OPHN1: variants seen among roughly 807,000 people sequenced by gnomAD.
OPHN1 encodes oligophrenin-1.
Under a neutral mutation model 60.7 loss-of-function variants are expected in OPHN1, and 11 were observed. The observed-to-expected ratio is 0.18, with a 90% CI of 0.11 to 0.30. The LOEUF is 0.30. Among genes scored for constraint, OPHN1 ranks in the 10% least tolerant of loss-of-function variants. The probability of loss-of-function intolerance (pLI) is 1.00; values close to 1 mark genes in which losing one functional copy is unlikely to be tolerated. For missense variants in OPHN1, 449 were observed against 611.0 expected, an observed-to-expected ratio of 0.73 and a Z score of 2.80; for synonymous variants, 226 against 222.6, an observed-to-expected ratio of 1.02 and a Z score of -0.14.
chrX:68,220,269 T>C (rs2077646755), intron 6 of OPHN1, among the ~76,000 whole-genome samples: 2 of 106,831 alleles, frequency 1.9e-5, no homozygotes, highest in Non-Finnish European at 3.9e-5. Context: ...TAACAGGAGC[T>C]GAAATTGTGG....
At position 68,053,509 on chromosome X, in the gene OPHN1, A is replaced by G. The variant is rs2076860105; in HGVS notation, c.2324+136T>C. 4 of 638,812 alleles carry G rather than the reference A, an allele frequency of 6.3e-6. No homozygotes were observed. The Admixed American group carries it at 1.1e-4, about 17-fold the overall frequency. The allele number at this position is 638,812 out of a possible 1,213,427, so 52.6% of individuals were successfully genotyped here. A position where few individuals can be genotyped will look rare whatever the true frequency, so the allele number is the denominator to read the frequency against. On this transcript the variant is annotated intron_variant, in intron 22 of 24. Transcript: ENST00000355520. ...GGAATACTCCCAACAGGGCTGGCCT[A>G]TGATATTTCCCTAGACTATAAAGTG...
chrX:68,048,677 A>G (rs2147343975), intron 23 of OPHN1, among the ~76,000 whole-genome samples: 1 of 112,331 alleles, frequency 8.9e-6, no homozygotes, highest in South Asian at 3.7e-4. Context: ...TTCAGGTGCC[A>G]GAACAATTCT....
At chrX:68,355,012 TA>T (rs2078433405) in intron 2 of OPHN1, among the ~76,000 whole-genome samples, 1 of 111,988 alleles carries the variant, frequency 8.9e-6, no homozygotes, top group Non-Finnish European at 1.9e-5. Flanking sequence ...AAGGTGCCTA[TA>T]ACTCAGTGGC....
intron 15 of OPHN1, among the ~76,000 whole-genome samples, chrX:68,156,383 TA>T (rs2077310145): frequency 9.5e-6 from 1 of 105,396 alleles, no homozygotes; most frequent in Non-Finnish European, 2.0e-5. Context: ...AAAATAAATA[TA>T]AAAATATAAG....
chrX:68,237,334 T>G (rs2077757975), intron 5 of OPHN1, among the ~76,000 whole-genome samples: 1 of 112,322 alleles, frequency 8.9e-6, no homozygotes, highest in African/African-American at 3.2e-5. Flanking sequence ...TTTTTTCTAT[T>G]CTGGTCCTTT....
At chrX:68,389,568 AAAATAAATAAAT>A (rs200288420) in intron 2 of OPHN1, among the ~76,000 whole-genome samples, 55 of 76,862 alleles carry the variant, frequency 7.2e-4, no homozygotes, top group South Asian at 2.3e-3. Context: ...CTCCCTCTCA[AAAATAAATAAAT>A]AAATAAATAA....
At chrX:68,194,586 G>A (rs1372037387) in intron 12 of OPHN1, 88 bp from the exon 13 acceptor site, 2 of 809,803 alleles carry the variant, frequency 2.5e-6, no homozygotes, top group Non-Finnish European at 3.7e-6. Flanking sequence ...TCTTTCCCCA[G>A]ATAGGCATTA....
intron 2 of OPHN1, among the ~76,000 whole-genome samples, chrX:68,307,928 T>C (rs1345400001): frequency 8.9e-6 from 1 of 112,093 alleles, no homozygotes; most frequent in Non-Finnish European, 1.9e-5. Flanking sequence ...TTGACTACTT[T>C]CAGTTTGAAA....
At chrX:68,074,211 C>T (rs1216066276) in intron 19 of OPHN1, among the ~76,000 whole-genome samples, 3 of 111,666 alleles carry the variant, frequency 2.7e-5, no homozygotes, top group African/African-American at 9.8e-5. Flanking sequence ...TCCCATCAGG[C>T]AAGGGTCAAC....
chrX:68,193,421 T>TA (rs1208709055), intron 14 of OPHN1, among the ~76,000 whole-genome samples: 1 of 111,287 alleles, frequency 9.0e-6, no homozygotes, highest in African/African-American at 3.3e-5. Context: ...CAAGAAAGAC[T>TA]AAAAAAACAT....
At chrX:68,410,493 C>T (rs1340719037) in intron 2 of OPHN1, among the ~76,000 whole-genome samples, 2 of 109,317 alleles carry the variant, frequency 1.8e-5, no homozygotes, top group East Asian at 2.9e-4. Context: ...ACCCAGGAGA[C>T]GGAGGTTGCA....
intron 2 of OPHN1, among the ~76,000 whole-genome samples, chrX:68,340,167 G>A (rs2078344176): frequency 1.8e-5 from 2 of 112,076 alleles, no homozygotes; most frequent in Non-Finnish European, 3.8e-5. Context: ...TAACTGCAAT[G>A]TCTAACAAAA....
chrX:68,387,301 G>A (rs987052629), intron 2 of OPHN1, among the ~76,000 whole-genome samples: 2 of 107,956 alleles, frequency 1.9e-5, no homozygotes, highest in African/African-American at 6.7e-5. Flanking sequence ...AAATCCCTAC[G>A]CGTTTCTCAC....
intron 3 of OPHN1, among the ~76,000 whole-genome samples, chrX:68,296,093 G>A (rs753902784): frequency 9.0e-6 from 1 of 110,697 alleles, no homozygotes; most frequent in African/African-American, 3.3e-5. Flanking sequence ...TTTTTTTCTC[G>A]AAGCCTCCAG....
At chrX:68,417,525 G>A (rs192707330) in intron 2 of OPHN1, among the ~76,000 whole-genome samples, 1 of 112,607 alleles carries the variant, frequency 8.9e-6, no homozygotes, top group East Asian at 2.8e-4. Context: ...AGACTTCAAA[G>A]TAAAAGATAC....
At chrX:68,287,146 GAAGAAAGAAGGA>G (rs1555967037) in intron 3 of OPHN1, among the ~76,000 whole-genome samples, 3 of 52,880 alleles carry the variant, frequency 5.7e-5, no homozygotes, top group African/African-American at 6.5e-4. Context: ...AGGAAGGAAG[GAAGAAAGAAGGA>G]AAGAAAGAAA....
chrX:68,309,740 C>T (rs1033554901), intron 2 of OPHN1, among the ~76,000 whole-genome samples: 3 of 112,069 alleles, frequency 2.7e-5, no homozygotes, highest in African/African-American at 9.7e-5. Flanking sequence ...TACTATAAAA[C>T]AATTGTCCTT....
intron 2 of OPHN1, among the ~76,000 whole-genome samples, chrX:68,426,363 C>G (rs766192746): frequency 3.9e-4 from 42 of 106,465 alleles, no homozygotes; most frequent in African/African-American, 1.4e-3. Context: ...ATCGCTTGAA[C>G]CCAGGAGGTG....
chrX:68,317,372 A>AAGG (rs1569278111), intron 2 of OPHN1, among the ~76,000 whole-genome samples: 13 of 63,400 alleles, frequency 2.1e-4, no homozygotes, highest in African/African-American at 1.1e-3. Flanking sequence ...AGAAAGAAAG[A>AAGG]AAGAAAGGAA....
Sources: allele counts gnomAD v4.1 joint callset (sites outside exome capture counted in the v4.1 genomes callset), GRCh38; gene constraint gnomAD v4.1.1; transcripts MANE v1.5; gene names NCBI Gene and HGNC (gene_info 2026-07-23, HGNC 2026-07-21).